Variants in CR1L observed in about 807,000 individuals in gnomAD.
CR1L encodes complement component receptor 1-like protein.
Under a neutral mutation model 62.3 loss-of-function variants are expected in CR1L, and 59 were observed. The ratio of observed to expected loss-of-function variants is 0.95; its 90% CI spans 0.77 to 1.18. The LOEUF (loss-of-function observed/expected upper bound fraction) is 1.18. CR1L is among the 50% of genes most tolerant of loss of function. The probability of loss-of-function intolerance (pLI) is 0.00; values close to 1 mark genes in which losing one functional copy is unlikely to be tolerated. For synonymous variants in CR1L, 279 were observed against 248.7 expected (o/e 1.12, Z -1.15); for missense variants, 700 against 702.8 (o/e 1.00, Z 0.04).
chr1:207,707,785 TACACACACACAC>T (rs10523807), intron 9 of CR1L, among the ~76,000 whole-genome samples: 1 of 126,810 alleles, frequency 7.9e-6, no homozygotes, highest in African/African-American at 3.1e-5. Context: ...GGCATAGTAT[TACACACACACAC>T]ACACACACAC....
chr1:207,655,099 C>T (rs1429562877), intron 1 of CR1L: 2 of 327,508 alleles, frequency 6.1e-6, no homozygotes, highest in South Asian at 4.1e-5. Context: ...ATTACTGCAG[C>T]GTAGAAAATA....
At chr1:207,685,193 T>C (rs552556301) in intron 4 of CR1L, among the ~76,000 whole-genome samples, 1 of 152,186 alleles carries the variant, frequency 6.6e-6, no homozygotes, top group Non-Finnish European at 1.5e-5. Context: ...TTCTGTAAAC[T>C]CTCTATATCC....
chr1:207,651,626 G>T (rs1192319739), intron 1 of CR1L, among the ~76,000 whole-genome samples: 5 of 151,628 alleles, frequency 3.3e-5, no homozygotes, highest in Non-Finnish European at 7.4e-5. Context: ...ATAATTTGAG[G>T]AAGATGAGTT....
At chr1:207,692,966 CTT>C (rs999773058) in intron 4 of CR1L, among the ~76,000 whole-genome samples, 1 of 152,186 alleles carries the variant, frequency 6.6e-6, no homozygotes, top group African/African-American at 2.4e-5. Flanking sequence ...GAAAAAGTCT[CTT>C]TGGCATTTTT....
At chr1:207,703,204 C>T (rs1412650785) in intron 9 of CR1L, among the ~76,000 whole-genome samples, 1 of 152,152 alleles carries the variant, frequency 6.6e-6, no homozygotes, top group Non-Finnish European at 1.5e-5. Context: ...GCAGATTCTC[C>T]ATGTAGACAA....
At chr1:207,682,972 C>CTTTCTTTCT (rs879355334) in intron 3 of CR1L, among the ~76,000 whole-genome samples, 1 of 141,624 alleles carries the variant, frequency 7.1e-6, no homozygotes, top group Non-Finnish European at 1.5e-5. Context: ...TTCTTTCTTT[C>CTTTCTTTCT]TTTCTTTCTT....
chr1:207,705,228 A>C (rs1282617387), intron 9 of CR1L, among the ~76,000 whole-genome samples: 1 of 152,154 alleles, frequency 6.6e-6, no homozygotes, highest in African/African-American at 2.4e-5. Context: ...GGCATATTGG[A>C]TTAGGGCCTA....
chr1:207,706,993 T>A (rs998213100), intron 9 of CR1L, among the ~76,000 whole-genome samples: 2 of 152,190 alleles, frequency 1.3e-5, no homozygotes, highest in African/African-American at 4.8e-5. Flanking sequence ...ACAGAAAAGA[T>A]GAGTAGACTG....
chr1:207,689,079 T>C (rs1663956358), intron 4 of CR1L, among the ~76,000 whole-genome samples: 1 of 152,250 alleles, frequency 6.6e-6, no homozygotes, highest in South Asian at 2.1e-4. Context: ...TACAAGCCTT[T>C]TAATGGTTAT....
chr1:207,698,213 G>C (rs1418949591), intron 7 of CR1L, among the ~76,000 whole-genome samples: 1 of 152,018 alleles, frequency 6.6e-6, no homozygotes, highest in Non-Finnish European at 1.5e-5. Context: ...TAGAATATGA[G>C]TAATTTAAGA....
At chr1:207,678,742 A>G (rs1663746857) in intron 3 of CR1L, among the ~76,000 whole-genome samples, 1 of 152,180 alleles carries the variant, frequency 6.6e-6, no homozygotes, top group African/African-American at 2.4e-5. Context: ...AAGTTTTTGG[A>G]GTTCTGTTCC....
intron 1 of CR1L, among the ~76,000 whole-genome samples, chr1:207,673,076 G>T (rs1663638286): frequency 6.6e-6 from 1 of 152,142 alleles, no homozygotes; most frequent in African/African-American, 2.4e-5. Context: ...AGAAACAAAT[G>T]CTGTCAATCT....
At chr1:207,708,848 G>A in intron 10 of CR1L, 1 of 408,926 alleles carries the variant, frequency 2.4e-6, no homozygotes, top group Middle Eastern at 8.8e-4. Context: ...TCTGGTGGGA[G>A]AATAAGTGGG....
chr1:207,645,244 C>T lies in CR1L; in HGVS notation c.11C>T (p.Pro4Leu), dbSNP rs771737147. The change falls in exon 1 of 12, where the codon CCC becomes CTC. Residue 4 changes from proline to leucine, a missense_variant. By Grantham distance (98) the Pro-to-Leu change is moderately conservative. Transcript: ENST00000508064. MAP[P>L]VRLERPFPSR... ...TCTCCCGCGCCGCTCATGGCGCCTC[C>T]CGTCCGTCTCGAGCGTCCCTTTCCT... 2 of 1,613,222 alleles carry T rather than the reference C, an allele frequency of 1.2e-6. No homozygotes were observed. The highest frequency in any genetic ancestry group is 2.2e-5 in the South Asian group (2 of 91,054).
At chr1:207,651,341 T>C (rs1663221044) in intron 1 of CR1L, among the ~76,000 whole-genome samples, 1 of 152,128 alleles carries the variant, frequency 6.6e-6, no homozygotes. Context: ...GGACATGATA[T>C]ATAAAGAAAA....
At chr1:207,688,060 G>A (rs983764873) in intron 4 of CR1L, among the ~76,000 whole-genome samples, 1 of 152,108 alleles carries the variant, frequency 6.6e-6, no homozygotes, top group African/African-American at 2.4e-5. Flanking sequence ...ATTGCTTGAA[G>A]CCAGGAGTTC....
chr1:207,703,579 G>A (rs1003513029), intron 9 of CR1L, among the ~76,000 whole-genome samples: 1 of 152,230 alleles, frequency 6.6e-6, no homozygotes, highest in Non-Finnish European at 1.5e-5. Context: ...GATGGACAAG[G>A]AGATGCATGT....
chr1:207,703,877 C>G (rs1664229392), intron 9 of CR1L, among the ~76,000 whole-genome samples: 1 of 151,964 alleles, frequency 6.6e-6, no homozygotes, highest in Admixed American at 6.6e-5. Flanking sequence ...TCACCTGAAC[C>G]CAGGAGGTGA....
At position 207,670,348 on chromosome 1, in the gene CR1L, T is replaced by A. The variant is rs540705700; in HGVS notation, c.98-7041T>A. On this transcript the variant is annotated intron_variant, in intron 1 of 11. Transcript: ENST00000508064. ...CTGCAGGTAGAAGGGACAGTAGATA[T>A]GTTTACAATTTGCATTTTAGTGATG... is the stretch of plus-strand genomic sequence containing the variant. Among the ~76,000 whole-genome samples, 15 of 151,352 alleles carry A rather than the reference T, an allele frequency of 9.9e-5. No homozygotes were observed. In the South Asian group the frequency reaches 3.1e-3, roughly 31 times the overall value.
Sources: allele counts gnomAD v4.1 joint callset (sites outside exome capture counted in the v4.1 genomes callset), GRCh38; gene constraint gnomAD v4.1.1; transcripts MANE v1.5; gene names NCBI Gene and HGNC (gene_info 2026-07-23, HGNC 2026-07-21).